The following CCDC171 variants were observed in gnomAD, a reference collection of about 807,000 sequenced individuals.
The protein encoded by CCDC171 is coiled-coil domain-containing protein 171.
Under a neutral mutation model 168.2 loss-of-function variants are expected in CCDC171, and 177 were observed. The ratio of observed to expected loss-of-function variants is 1.05; its 90% CI spans 0.93 to 1.19. The LOEUF (loss-of-function observed/expected upper bound fraction) is 1.19, where lower values mean the gene tolerates loss of function less well. CCDC171 is among the 50% of genes most tolerant of loss of function. The pLI is 0.00. For synonymous variants in CCDC171, 687 were observed against 540.8 expected (o/e 1.27, Z -3.75); for missense variants, 1,991 against 1,539.0 (o/e 1.29, Z -4.91).
intron 24 of CCDC171, among the ~76,000 whole-genome samples, chr9:15,902,494 T>G (rs550355867): frequency 1.5e-4 from 23 of 152,268 alleles, no homozygotes; most frequent in African/African-American, 5.3e-4. Flanking sequence ...AATTCCCTGA[T>G]TTAGTAAACA....
At chr9:15,769,700 T>A (rs1189193073) in intron 18 of CCDC171, among the ~76,000 whole-genome samples, 1 of 152,210 alleles carries the variant, frequency 6.6e-6, no homozygotes, top group Non-Finnish European at 1.5e-5. Flanking sequence ...TACCAACGGA[T>A]GCTGGTGCAG....
chr9:16,105,246 G>C, the CCDC171 span, among the ~76,000 whole-genome samples: 1 of 152,182 alleles, frequency 6.6e-6, no homozygotes, highest in Admixed American at 6.5e-5. Context: ...GAGGATAGAA[G>C]GGACATTTAA....
At chr9:15,897,961 A>G (rs1821124228) in intron 24 of CCDC171, among the ~76,000 whole-genome samples, 1 of 152,230 alleles carries the variant, frequency 6.6e-6, no homozygotes, top group Non-Finnish European at 1.5e-5. Flanking sequence ...CAAGGTACTT[A>G]GCATCACTGA....
At chr9:15,922,269 C>T in intron 25 of CCDC171, 1 of 232,950 alleles carries the variant, frequency 4.3e-6, no homozygotes. Flanking sequence ...CTGTCTTTTC[C>T]CTTAGTTGAG....
chr9:15,768,182 A>G (rs569529271), intron 18 of CCDC171, among the ~76,000 whole-genome samples: 4 of 131,616 alleles, frequency 3.0e-5, no homozygotes, highest in African/African-American at 1.1e-4. Context: ...TTAGCTTCCT[A>G]TGAGTTTCCT....
At chr9:15,601,185 C>A (rs1416773377) in intron 6 of CCDC171, among the ~76,000 whole-genome samples, 3 of 152,182 alleles carry the variant, frequency 2.0e-5, no homozygotes, top group Non-Finnish European at 4.4e-5. Context: ...GAACCCGGTA[C>A]CTGAGTTGGA....
At chr9:15,938,699 C>G (rs1827375938) in intron 25 of CCDC171, among the ~76,000 whole-genome samples, 1 of 151,772 alleles carries the variant, frequency 6.6e-6, no homozygotes. Flanking sequence ...TGGCTTAGGG[C>G]ATACTTTGAT....
chr9:16,032,201 G>T (rs1833375055), intron 6 of CCDC171, among the ~76,000 whole-genome samples: 1 of 152,184 alleles, frequency 6.6e-6, no homozygotes, highest in African/African-American at 2.4e-5. Flanking sequence ...CATTCAAGCG[G>T]GAAGGGCCCT....
At chr9:15,998,158 C>T (rs935370145) in intron 3 of CCDC171, among the ~76,000 whole-genome samples, 5 of 152,170 alleles carry the variant, frequency 3.3e-5, no homozygotes, top group African/African-American at 7.2e-5. Context: ...ATGGAGCCAC[C>T]CCTGCTTCAT....
intron 24 of CCDC171, among the ~76,000 whole-genome samples, chr9:15,895,049 A>G (rs1281574255): frequency 6.6e-6 from 1 of 152,174 alleles, no homozygotes; most frequent in Non-Finnish European, 1.5e-5. Flanking sequence ...GGAAAAAAGT[A>G]GGAGGTTTGA....
chr9:15,556,592 A>AT lies in CCDC171; in HGVS notation c.-112+3296dup, dbSNP rs1187319883. On this transcript the variant is annotated intron_variant, in intron 1 of 25. Transcript: ENST00000380701. Reference sequence around the variant, plus strand: ...GCCCACTTTTTGATGGGGTTGTTTGATTTTTTCTTGTAAATTTGTTTAAGT... The same window carrying AT: ...GCCCACTTTTTGATGGGGTTGTTTGATTTTTTTCTTGTAAATTTGTTTAAGT... Among the ~76,000 whole-genome samples the AT allele has an allele frequency of 2.6e-5, 4 of 151,442 alleles. 1 individual carries two copies. The highest frequency in any genetic ancestry group is 4.4e-5 in the Non-Finnish European group (3 of 67,810).
intron 18 of CCDC171, among the ~76,000 whole-genome samples, chr9:15,753,135 G>A (rs1344754278): frequency 3.3e-5 from 5 of 152,120 alleles, no homozygotes; most frequent in Non-Finnish European, 7.3e-5. Flanking sequence ...CAAGCAGAAT[G>A]TAATTAAGGG....
chr9:15,883,260 A>G (rs938015651), intron 24 of CCDC171: 1 of 160,404 alleles, frequency 6.2e-6, no homozygotes, highest in Non-Finnish European at 1.4e-5. Context: ...CAGTCTCGCT[A>G]TGCTGCCCAG....
chr9:15,937,478 C>T (rs1205198926), intron 25 of CCDC171, among the ~76,000 whole-genome samples: 5 of 151,902 alleles, frequency 3.3e-5, no homozygotes, highest in South Asian at 4.1e-4. Context: ...ACAATTGTCA[C>T]TGGTATAAAT....
At chr9:15,964,843 C>T (rs1053665776) in intron 25 of CCDC171, among the ~76,000 whole-genome samples, 2 of 152,220 alleles carry the variant, frequency 1.3e-5, no homozygotes, top group African/African-American at 4.8e-5. Context: ...TCACTGCAAC[C>T]TCTGCCTCCT....
chr9:15,920,286 T>C lies in CCDC171; in HGVS notation c.3617T>C (p.Phe1206Ser). ...VVACQAMIKS[F>S]MDVYQLASTR... is the part of the protein sequence containing the mutation. ...TTTCTTAAGGCTATGATTAAAAGTT[T>C]CATGGATGTCTACCAGCTTGCAAGC... is the stretch of plus-strand genomic sequence containing the variant. Residue 1206 changes from phenylalanine to serine, a missense_variant, in exon 25 of 26, where the codon TTC becomes TCC. Phe to Ser is a radical substitution (Grantham distance 155). Coordinates refer to ENST00000380701, the MANE Select transcript of CCDC171 (RefSeq NM_173550.4). 5 of 1,591,664 alleles carry C rather than the reference T, an allele frequency of 3.1e-6. No individual in the cohort carries two copies. Among genetic ancestry groups the C allele is most frequent in the Non-Finnish European group, 4.3e-6 (5 of 1,166,762 alleles).
chr9:15,930,900 A>G (rs966781950), intron 25 of CCDC171, among the ~76,000 whole-genome samples: 2 of 151,730 alleles, frequency 1.3e-5, no homozygotes, highest in African/African-American at 4.8e-5. Flanking sequence ...TATGTTGTAT[A>G]ATGATCCAGT....
chr9:15,758,634 A>G (rs1202939090), intron 18 of CCDC171, among the ~76,000 whole-genome samples: 2 of 152,146 alleles, frequency 1.3e-5, no homozygotes, highest in Non-Finnish European at 1.5e-5. Flanking sequence ...GTGGAATGAT[A>G]TGGATTGGCT....
chr9:15,781,117 A>G (rs867006186), intron 20 of CCDC171, among the ~76,000 whole-genome samples: 28 of 152,204 alleles, frequency 1.8e-4, no homozygotes, highest in African/African-American at 6.8e-4. Flanking sequence ...AATTCCTTAC[A>G]TATGTTGCTC....
Sources: allele counts gnomAD v4.1 joint callset (sites outside exome capture counted in the v4.1 genomes callset), GRCh38; gene constraint gnomAD v4.1.1; transcripts MANE v1.5; gene names NCBI Gene and HGNC (gene_info 2026-07-23, HGNC 2026-07-21).